ELN: variants seen among roughly 807,000 people sequenced by gnomAD.
ELN encodes tropoelastin.
A neutral mutation model predicts 105.8 loss-of-function variants in ELN; 65 were observed. The observed-to-expected ratio is 0.61, with a 90% CI of 0.50 to 0.75. The LOEUF is 0.75. ELN is among the 30% of genes least tolerant of loss of function. ELN has a pLI of 0.00. For missense variants in ELN, 882 were observed against 969.4 expected (o/e 0.91, Z 1.20); for synonymous variants, 368 against 389.2 (o/e 0.95, Z 0.64).
chr7:74,029,414 CG>C (rs1471911256), intron 1 of ELN, among the ~76,000 whole-genome samples: 1 of 151,516 alleles, frequency 6.6e-6, no homozygotes, highest in Non-Finnish European at 1.5e-5. Flanking sequence ...CCGCGGCCAA[CG>C]GGGGAGGACA....
In ELN at chr7:74,054,708, C is replaced by G. The variant is rs781785100; in HGVS notation, c.1097-8C>G. On this transcript the variant is annotated splice_region_variant and splice_polypyrimidine_tract_variant and intron_variant, in intron 18 of 32. Coordinates refer to ENST00000252034, the MANE Select transcript of ELN (RefSeq NM_000501.4). Reference sequence around the variant, plus strand: ...CCTGAGCATTTGTGTCCCTTTTGGTCTCTCCAGGGGTTGTGTCACCAGAAG... The same window carrying G: ...CCTGAGCATTTGTGTCCCTTTTGGTGTCTCCAGGGGTTGTGTCACCAGAAG... 1.6e-5 allele frequency: 26 copies of G among 1,614,064 alleles called. No homozygotes were observed. In the East Asian group the frequency reaches 5.6e-4, roughly 35 times the overall value.
At chr7:74,059,834 TGTCCTCTTTGATCAG>T (rs1796205497) in intron 22 of ELN, 37 bp from the exon 23 acceptor site, 2 of 891,692 alleles carry the variant, frequency 2.2e-6, no homozygotes, top group East Asian at 4.8e-5. Context: ...CATAAGCTTC[TGTCCTCTTTGATCAG>T]GTCTTGGTTA....
intron 19 of ELN, among the ~76,000 whole-genome samples, chr7:74,055,461 T>A (rs548323751): frequency 2.0e-5 from 3 of 150,756 alleles, no homozygotes; most frequent in East Asian, 3.9e-4. Context: ...AAATGAAAAA[T>A]TTTAATTTTT....
intron 14 of ELN, 128 bp downstream of exon 14, chr7:74,048,329 T>A (rs1793058158): frequency 1.3e-6 from 2 of 1,521,162 alleles, no homozygotes. Flanking sequence ...GGTCCAAACC[T>A]GGAGCAGGAT....
rs782595602 is a variant in ELN, at chr7:74,057,707, C to T, written c.1414+11C>T. ...AAGCCGCCCAGTTTGGTAAGTCCCC[C>T]TCACCCCCGCCACTGGCTCACGGAG... On this transcript the variant is annotated intron_variant, in intron 22 of 32. Coordinates refer to ENST00000252034, the MANE Select transcript of ELN (RefSeq NM_000501.4). 6 of 1,612,398 alleles carry T rather than the reference C, an allele frequency of 3.7e-6. No individual in the cohort carries two copies. The East Asian group carries it at 8.9e-5, about 24-fold the overall frequency.
intron 15 of ELN, among the ~76,000 whole-genome samples, 178 bp from the exon 16 acceptor site, chr7:74,051,572 A>C (rs1448058802): frequency 6.6e-6 from 1 of 152,076 alleles, no homozygotes; most frequent in Non-Finnish European, 1.5e-5. Context: ...ACTTTGGGGG[A>C]GAGTCAAGGA....
chr7:74,051,671 G>C (rs1027435955), intron 15 of ELN, 79 bp from the exon 16 acceptor site: 5 of 1,537,648 alleles, frequency 3.3e-6, no homozygotes, highest in Non-Finnish European at 4.5e-6. Flanking sequence ...TGGTGAAAAC[G>C]CCGGCGTCTA....
chr7:74,046,879 T>A (rs934412353), intron 12 of ELN, 112 bp downstream of exon 12: 1 of 1,225,212 alleles, frequency 8.2e-7, no homozygotes, highest in African/African-American at 1.5e-5. Context: ...AGGTCAGGAG[T>A]TCAAGACTAG....
Position 74,028,241 on chromosome 7 carries a change from G to C in ELN, c.54G>C (p.Leu18=). The change falls in exon 1 of 33, where the codon CTG becomes CTC. Residue 18 remains leucine (L), a synonymous_variant. Transcript: ENST00000252034. ...GGCCCGGAGTCCTCCTGCTCCTGCT[G>C]TCCATCCTCCACCCCTCTCGGCCTG... ...APRPGVLLLL[L]SILHPSRPGG... 1.9e-6 allele frequency: 3 copies of C among 1,610,500 alleles called. No individual in the cohort carries two copies. Among genetic ancestry groups the C allele is most frequent in the Non-Finnish European group, 2.5e-6 (3 of 1,179,692 alleles).
chr7:74,064,674 A>G (rs1408013871), intron 29 of ELN, among the ~76,000 whole-genome samples: 1 of 152,166 alleles, frequency 6.6e-6, no homozygotes, highest in African/African-American at 2.4e-5. Context: ...CCTTGCCGCC[A>G]GGGTCCCAGT....
intron 21 of ELN, chr7:74,057,260 A>C (rs1156619579): frequency 2.5e-6 from 2 of 809,116 alleles, no homozygotes; most frequent in Admixed American, 7.2e-5. Flanking sequence ...AAAAAGAAAA[A>C]GAAAAAGAAT....
At chr7:74,060,873 T>A (rs1345278899) in intron 25 of ELN, among the ~76,000 whole-genome samples, 1 of 152,174 alleles carries the variant, frequency 6.6e-6, no homozygotes, top group Non-Finnish European at 1.5e-5. Flanking sequence ...TGAGCCCCAC[T>A]CTGTGCCCAG....
intron 19 of ELN, 107 bp downstream of exon 19, chr7:74,054,876 G>A: frequency 1.6e-6 from 2 of 1,285,294 alleles, no homozygotes; most frequent in Non-Finnish European, 2.2e-6. Flanking sequence ...CTTGCCCAAG[G>A]TCACCGAGCA....
chr7:74,061,016 A>G, intron 25 of ELN, 85 bp from the exon 26 acceptor site: 1 of 1,542,028 alleles, frequency 6.5e-7, no homozygotes, highest in East Asian at 2.2e-5. Context: ...CAAGGAAGTC[A>G]GGGAGGGCTC....
intron 32 of ELN, among the ~76,000 whole-genome samples, chr7:74,067,323 A>G (rs1291636386): frequency 6.6e-6 from 1 of 151,668 alleles, no homozygotes; most frequent in Non-Finnish European, 1.5e-5. Flanking sequence ...GCTGGAGTGC[A>G]GTGGCACGAT....
Position 74,059,935 on chromosome 7 carries a change from T to A in ELN, c.1464T>A (p.Gly488=), listed in dbSNP as rs199944074. Residue 488 remains glycine (G), a synonymous_variant, in exon 23 of 33, where the codon GGT becomes GGA. Transcript: ENST00000252034. ...GVAPGVGVAP[G]VGVAPGVGLA... is the part of the protein sequence containing the mutation. ...CTCCTGGAGTTGGCGTGGCTCCTGGTGTCGGTGTGGCTCCTGGAGTTGGCT... is the reference window on the plus strand; with the variant it reads ...CTCCTGGAGTTGGCGTGGCTCCTGGAGTCGGTGTGGCTCCTGGAGTTGGCT... The A allele has an allele frequency of 2.5e-6, 4 of 1,585,926 alleles. No individual in the cohort carries two copies. The highest frequency in any genetic ancestry group is 2.7e-5 in the African/African-American group (2 of 73,998).
At chr7:74,045,691 T>C in intron 10 of ELN, 1 of 347,116 alleles carries the variant, frequency 2.9e-6, no homozygotes, top group Non-Finnish European at 5.6e-6. Context: ...TGTCGTGAGC[T>C]ATGATCACAC....
chr7:74,055,460 A>T lies in ELN; in HGVS notation c.1150+691A>T, dbSNP rs773122030. 2.8e-4 allele frequency among the ~76,000 whole-genome samples: 43 copies of T among 151,830 alleles called. 1 individual carries two copies. Among genetic ancestry groups the T allele is most frequent in the Non-Finnish European group, 2.1e-4 (14 of 67,964 alleles). ...AAAATAAATAAAAAATAAATGAAAA[A>T]TTTTAATTTTTTTTTCTTTTTCTTT... On this transcript the variant is annotated intron_variant, in intron 19 of 32. Transcript: ENST00000252034.
chr7:74,060,599 G>T, intron 25 of ELN, 98 bp downstream of exon 25: 1 of 1,592,496 alleles, frequency 6.3e-7, no homozygotes, highest in Non-Finnish European at 8.6e-7. Context: ...CATCACCCAG[G>T]GGTGCATAGT....
Sources: allele counts gnomAD v4.1 joint callset (sites outside exome capture counted in the v4.1 genomes callset), GRCh38; gene constraint gnomAD v4.1.1; transcripts MANE v1.5; gene names NCBI Gene and HGNC (gene_info 2026-07-23, HGNC 2026-07-21).